LRCH1: variants seen among roughly 807,000 people sequenced by gnomAD.
LRCH1 encodes the protein leucine-rich repeat and calponin homology domain-containing protein 1.
A neutral mutation model predicts 94.9 loss-of-function variants in LRCH1; 23 were observed. The observed-to-expected ratio is 0.24, with a 90% confidence interval of 0.17 to 0.34. The LOEUF is 0.34. LRCH1 is among the 10% of genes least tolerant of loss of function. LRCH1 has a pLI of 1.00. For missense variants in LRCH1, 790 were observed against 945.9 expected (o/e 0.84, Z 2.16); for synonymous variants, 364 against 354.9 (o/e 1.03, Z -0.29).
In LRCH1 at chr13:46,666,864, C is replaced by T. The variant is rs546281003; in HGVS notation, c.453-2166C>T. Among the ~76,000 whole-genome samples, 5 of 152,288 alleles carry T rather than the reference C, an allele frequency of 3.3e-5. No individual in the cohort carries two copies. In the Middle Eastern group the frequency reaches 0.01, roughly 311 times the overall value. On this transcript the variant is annotated intron_variant, in intron 2 of 19. Coordinates refer to ENST00000389797, the MANE Select transcript of LRCH1 (RefSeq NM_001164211.2). ...CTCCAGCCAAAAGAGTCCCACTGAG[C>T]CCCTGCTGGTGAGAGAGAGCCTTGG...
intron 11 of LRCH1, among the ~76,000 whole-genome samples, chr13:46,702,366 G>A (rs376620870): frequency 1.3e-5 from 2 of 152,120 alleles, no homozygotes; most frequent in East Asian, 3.9e-4. Context: ...GCTGGGCATA[G>A]TGCCATGCGC....
At position 46,713,349 on chromosome 13, in the gene LRCH1, T is replaced by A. The variant is rs562217120; in HGVS notation, c.1654+752T>A. ...ACTACTGATGCTTTTAAGCAAGTGC[T>A]AATAAAGAATTCAGACGCTTTTAAA... is the stretch of plus-strand genomic sequence containing the variant. On this transcript the variant is annotated intron_variant, in intron 15 of 19. Transcript: ENST00000389797. 1.8e-4 allele frequency among the ~76,000 whole-genome samples: 27 copies of A among 152,364 alleles called. No homozygotes were observed. The South Asian group carries it at 4.6e-3, about 26-fold the overall frequency.
At chr13:46,726,633 A>G (rs1872827300) in intron 17 of LRCH1, among the ~76,000 whole-genome samples, 1 of 152,174 alleles carries the variant, frequency 6.6e-6, no homozygotes, top group South Asian at 2.1e-4. Flanking sequence ...AGACCAAGCC[A>G]GGAGCCAGAA....
At chr13:46,574,928 C>G (rs1201374695) in intron 1 of LRCH1, among the ~76,000 whole-genome samples, 2 of 146,412 alleles carry the variant, frequency 1.4e-5, no homozygotes, top group African/African-American at 2.5e-5. Context: ...TCCTTTTTGG[C>G]AGTGGTAATA....
chr13:46,723,414 C>T, intron 17 of LRCH1, 84 bp downstream of exon 17: 1 of 1,047,004 alleles, frequency 9.6e-7, no homozygotes, highest in Non-Finnish European at 1.4e-6. Flanking sequence ...ACATTGCAAG[C>T]AGTCCTAATT....
intron 1 of LRCH1, among the ~76,000 whole-genome samples, chr13:46,583,125 A>G (rs1379959497): frequency 6.6e-6 from 1 of 152,202 alleles, no homozygotes; most frequent in Non-Finnish European, 1.5e-5. Flanking sequence ...AAACCTTTTT[A>G]TCTTTTGTAA....
At chr13:46,590,983 T>C (rs561266311) in intron 1 of LRCH1, among the ~76,000 whole-genome samples, 26 of 152,176 alleles carry the variant, frequency 1.7e-4, no homozygotes, top group Admixed American at 3.3e-4. Flanking sequence ...CTTTTTTTTT[T>C]CCCCCTGTAA....
intron 9 of LRCH1, among the ~76,000 whole-genome samples, chr13:46,695,420 G>A (rs974894893): frequency 2.0e-5 from 3 of 152,134 alleles, no homozygotes; most frequent in Non-Finnish European, 4.4e-5. Context: ...ATAAATGAAT[G>A]TCTTTCCTTT....
At chr13:46,684,168 GC>G (rs1265217709) in intron 4 of LRCH1, among the ~76,000 whole-genome samples, 2 of 152,014 alleles carry the variant, frequency 1.3e-5, no homozygotes, top group Non-Finnish European at 2.9e-5. Flanking sequence ...GCCATTCATT[GC>G]CTCTCTTAGC....
intron 13 of LRCH1, 157 bp downstream of exon 13, chr13:46,705,461 C>T (rs541808428): frequency 4.4e-5 from 34 of 777,096 alleles, no homozygotes; most frequent in South Asian, 3.5e-4. Flanking sequence ...CTTGTTTATA[C>T]GTTTGCCTCT....
chr13:46,681,968 C>G, intron 4 of LRCH1, 122 bp downstream of exon 4: 4 of 85,840 alleles, frequency 4.7e-5, no homozygotes, highest in South Asian at 4.7e-4. Flanking sequence ...GTGTGTGTGC[C>G]TACTACTTAA....
intron 1 of LRCH1, among the ~76,000 whole-genome samples, chr13:46,639,937 A>C (rs2051138636): frequency 6.6e-6 from 1 of 151,958 alleles, no homozygotes; most frequent in African/African-American, 2.4e-5. Context: ...GTTATATTTC[A>C]TTTTTCAACT....
exon 19 of LRCH1, chr13:46,752,835 T>A (rs1336254757): frequency 6.6e-6 from 1 of 152,194 alleles, no homozygotes; most frequent in African/African-American, 2.4e-5. Context: ...GTAATGTAAA[T>A]GGCTTCAGTC....
At chr13:46,732,919 A>G (rs560691202) in intron 18 of LRCH1, among the ~76,000 whole-genome samples, 6 of 152,210 alleles carry the variant, frequency 3.9e-5, no homozygotes, top group Non-Finnish European at 8.8e-5. Context: ...GATGGAGAAT[A>G]TTTATTTAGC....
rs2050020012 is a variant in LRCH1 at position 46,553,310 on chromosome 13, C to G, written c.-87C>G. 2 of 1,160,426 alleles carry G rather than the reference C, an allele frequency of 1.7e-6. 1 individual carries two copies. Among genetic ancestry groups the G allele is most frequent in the African/African-American group, 3.1e-5 (2 of 65,034 alleles). The allele number at this position is 1,160,426 out of a possible 1,614,324, so 71.9% of individuals were successfully genotyped here. On this transcript the variant is annotated 5_prime_UTR_variant, in exon 1 of 20. Coordinates refer to ENST00000389797, the MANE Select transcript of LRCH1 (RefSeq NM_001164211.2). The stretch of plus-strand genomic sequence containing the variant: ...CCTTTCGGTGGAGCACTGCGGCACT[C>G]AGCCCGAGCTGCCGTTTTCCCCTCG...
At chr13:46,641,811 T>C (rs923446571) in intron 1 of LRCH1, among the ~76,000 whole-genome samples, 4 of 152,236 alleles carry the variant, frequency 2.6e-5, no homozygotes, top group African/African-American at 9.6e-5. Context: ...CCAGATTCCA[T>C]TGACTGTTTT....
At chr13:46,662,945 T>C (rs1266007766) in intron 2 of LRCH1, among the ~76,000 whole-genome samples, 1 of 152,204 alleles carries the variant, frequency 6.6e-6, no homozygotes, top group African/African-American at 2.4e-5. Flanking sequence ...ATCTTTTACC[T>C]TCTCAACACA....
chr13:46,737,506 T>C (rs1365398974), intron 19 of LRCH1, among the ~76,000 whole-genome samples: 1 of 152,232 alleles, frequency 6.6e-6, no homozygotes, highest in Non-Finnish European at 1.5e-5. Flanking sequence ...TTCAGAATTA[T>C]AAGCAGCATT....
rs182354487 is a variant in LRCH1 at position 46,668,866 on chromosome 13, A to G, written c.453-164A>G. Reference sequence around the variant, plus strand: ...AGAAAAACATATTTTGTTTTCTTACATACTTGTCATTTGAGTTGTCACACA... The same window carrying G: ...AGAAAAACATATTTTGTTTTCTTACGTACTTGTCATTTGAGTTGTCACACA... On this transcript the variant is annotated intron_variant, in intron 2 of 19. Transcript: ENST00000389797. 2.8e-3 allele frequency among the ~76,000 whole-genome samples: 427 copies of G among 152,038 alleles called. 2 individuals carry two copies. The highest frequency in any genetic ancestry group is 4.8e-3 in the Non-Finnish European group (328 of 68,004).
Sources: allele counts gnomAD v4.1 joint callset (sites outside exome capture counted in the v4.1 genomes callset), GRCh38; gene constraint gnomAD v4.1.1; transcripts MANE v1.5; gene names NCBI Gene and HGNC (gene_info 2026-07-23, HGNC 2026-07-21).